CDK19: variants seen among roughly 807,000 people sequenced by gnomAD.
CDK19 encodes the protein cyclin dependent kinase 19, also known as cyclin-dependent kinase 19.
In CDK19, 20 loss-of-function variants were observed where a neutral mutation model predicts 68.3. The observed-to-expected ratio is 0.29, with a 90% CI of 0.21 to 0.43. CDK19 has a LOEUF of 0.43. Ranked by LOEUF, CDK19 falls within the 20% of genes least tolerant of loss-of-function variation. The probability of loss-of-function intolerance (pLI) is 1.00; values close to 1 mark genes in which losing one functional copy is unlikely to be tolerated. For missense variants in CDK19, 339 were observed against 623.5 expected, an observed-to-expected ratio of 0.54 and a Z score of 4.86; for synonymous variants, 221 against 222.8, an observed-to-expected ratio of 0.99 and a Z score of 0.07.
At chr6:110,717,215 T>C (rs972067384) in intron 2 of CDK19, among the ~76,000 whole-genome samples, 15 of 104,544 alleles carry the variant, frequency 1.4e-4, no homozygotes, top group Non-Finnish European at 1.6e-4. Flanking sequence ...TTATATGATA[T>C]ATATCTATAT....
chr6:110,743,351 G>C (rs1029922647), intron 2 of CDK19, among the ~76,000 whole-genome samples: 99 of 152,118 alleles, frequency 6.5e-4, no homozygotes, highest in Non-Finnish European at 2.2e-4. Context: ...ATAAGAATAT[G>C]AAGGCTATGG....
intron 2 of CDK19, among the ~76,000 whole-genome samples, chr6:110,692,774 A>T (rs1773123612): frequency 6.6e-6 from 1 of 152,178 alleles, no homozygotes; most frequent in African/African-American, 2.4e-5. Context: ...AAGTGGGTGG[A>T]TCACCTGAGG....
intron 1 of CDK19, among the ~76,000 whole-genome samples, chr6:110,767,778 AAC>A (rs1208847639): frequency 6.6e-6 from 1 of 152,204 alleles, no homozygotes; most frequent in African/African-American, 2.4e-5. Flanking sequence ...TATCACATGT[AAC>A]CCCATAAATA....
Position 110,614,402 on chromosome 6 carries a change from A to G in CDK19, c.*133T>C. 10 of 733,044 alleles carry G rather than the reference A, an allele frequency of 1.4e-5. No homozygotes were observed. Among genetic ancestry groups the G allele is most frequent in the Non-Finnish European group, 2.2e-5 (10 of 452,080 alleles). The allele number at this position is 733,044 out of a possible 1,614,324, so 45.4% of individuals were successfully genotyped here. Reference sequence around the variant, plus strand: ...CTATCAGTCCTGCACAATGCTCAGTATATAAGGTTTTCCTCCCATGTGTAT... The same window carrying G: ...CTATCAGTCCTGCACAATGCTCAGTGTATAAGGTTTTCCTCCCATGTGTAT... On this transcript the variant is annotated 3_prime_UTR_variant, in exon 13 of 13. Transcript: ENST00000368911.
intron 2 of CDK19, among the ~76,000 whole-genome samples, chr6:110,745,653 A>T (rs1778024961): frequency 6.6e-6 from 1 of 152,196 alleles, no homozygotes; most frequent in Admixed American, 6.6e-5. Context: ...AGGATATTCA[A>T]AGATGACTTT....
At chr6:110,732,040 G>C (rs955675641) in intron 2 of CDK19, among the ~76,000 whole-genome samples, 2 of 151,978 alleles carry the variant, frequency 1.3e-5, no homozygotes, top group Non-Finnish European at 2.9e-5. Context: ...GTGAAATTCA[G>C]GTCACCATTT....
chr6:110,642,308 CAAA>C (rs56320713), intron 4 of CDK19, among the ~76,000 whole-genome samples: 78 of 96,310 alleles, frequency 8.1e-4, no homozygotes, highest in African/African-American at 2.3e-3. Context: ...GACTCTGTTT[CAAA>C]AAAAAAAAAA....
At chr6:110,712,130 C>A (rs1015298462) in intron 2 of CDK19, among the ~76,000 whole-genome samples, 4 of 152,158 alleles carry the variant, frequency 2.6e-5, no homozygotes, top group Admixed American at 2.0e-4. Context: ...ACAGGCTACT[C>A]CTCCTGTAAA....
At chr6:110,801,650 T>C (rs1055333678) in intron 1 of CDK19, among the ~76,000 whole-genome samples, 3 of 152,082 alleles carry the variant, frequency 2.0e-5, no homozygotes, top group African/African-American at 7.2e-5. Context: ...TAGCTGGGAC[T>C]ACAGGTGCCC....
chr6:110,741,100 T>C (rs1160961189), intron 2 of CDK19, among the ~76,000 whole-genome samples: 1 of 151,876 alleles, frequency 6.6e-6, no homozygotes, highest in African/African-American at 2.4e-5. Context: ...TATAAACATA[T>C]GTATAATGAG....
intron 2 of CDK19, among the ~76,000 whole-genome samples, chr6:110,721,641 T>C (rs1222301080): frequency 6.6e-6 from 1 of 152,262 alleles, no homozygotes; most frequent in East Asian, 1.9e-4. Context: ...AAGAAAAACA[T>C]GACTTGTGTT....
intron 1 of CDK19, among the ~76,000 whole-genome samples, chr6:110,792,829 C>T (rs560690434): frequency 1.3e-5 from 2 of 152,264 alleles, no homozygotes; most frequent in South Asian, 4.2e-4. Flanking sequence ...ACTTAACCTT[C>T]AGGGAAATTT....
intron 2 of CDK19, among the ~76,000 whole-genome samples, chr6:110,703,045 TA>T (rs1433776968): frequency 6.6e-6 from 1 of 152,230 alleles, no homozygotes; most frequent in Non-Finnish European, 1.5e-5. Context: ...TTTTTCAAAT[TA>T]TTTTTTGTAA....
intron 1 of CDK19, among the ~76,000 whole-genome samples, chr6:110,755,435 T>G (rs1778771422): frequency 6.6e-6 from 1 of 151,730 alleles, no homozygotes; most frequent in African/African-American, 2.4e-5. Context: ...AGATAATGAG[T>G]GAATAGAAGG....
chr6:110,641,460 G>A (rs1437497877), intron 4 of CDK19, among the ~76,000 whole-genome samples: 1 of 151,906 alleles, frequency 6.6e-6, no homozygotes, highest in Non-Finnish European at 1.5e-5. Flanking sequence ...AGCCAGGCAT[G>A]GTGGCAGGCA....
chr6:110,661,357 G>C (rs188706765), intron 4 of CDK19, among the ~76,000 whole-genome samples: 4 of 152,274 alleles, frequency 2.6e-5, no homozygotes, highest in Non-Finnish European at 5.9e-5. Context: ...AACTTATGAT[G>C]GTTCCAATGA....
intron 2 of CDK19, among the ~76,000 whole-genome samples, chr6:110,715,451 A>C (rs1775295606): frequency 6.6e-6 from 1 of 152,194 alleles, no homozygotes; most frequent in African/African-American, 2.4e-5. Flanking sequence ...TTACAATGGT[A>C]CTAACTACTC....
rs546520937 is a variant in CDK19 at position 110,713,385 on chromosome 6, T to C, written c.204+32741A>G. Among the ~76,000 whole-genome samples the C allele has an allele frequency of 1.8e-3, 256 of 142,166 alleles. 1 individual carries two copies. Among genetic ancestry groups the C allele is most frequent in the African/African-American group, 6.4e-3 (242 of 37,546 alleles). 93.3% of individuals were successfully genotyped at this position (142,166 alleles called of 152,430 possible). ...AGGCGGAGCTTGCAGGGAGCTGAGA[T>C]CGCGCCACTGCACTCCAGCCTGGGT... On this transcript the variant is annotated intron_variant, in intron 2 of 12. Transcript: ENST00000368911.
At chr6:110,664,826 A>C (rs577965852) in intron 4 of CDK19, among the ~76,000 whole-genome samples, 1 of 152,186 alleles carries the variant, frequency 6.6e-6, no homozygotes, top group Admixed American at 6.5e-5. Flanking sequence ...CCAAGTAGAC[A>C]TGGATATGAG....
Sources: gnomAD v4.1 joint callset for allele counts (sites outside exome capture counted in the v4.1 genomes callset) on GRCh38, gnomAD v4.1.1 for gene constraint, MANE v1.5 for transcripts, NCBI Gene and HGNC (gene_info 2026-07-23, HGNC 2026-07-21) for gene names.